Variants in PPM1H observed in about 807,000 individuals in gnomAD.
The protein encoded by PPM1H is protein phosphatase 1H.
A neutral mutation model predicts 54.9 loss-of-function variants in PPM1H; 27 were observed. That is an observed-to-expected ratio of 0.49 (90% CI 0.36 to 0.68). The LOEUF (loss-of-function observed/expected upper bound fraction) is 0.68. PPM1H is among the 30% of genes least tolerant of loss of function. The pLI is 0.00. For missense variants in PPM1H, 596 were observed against 667.8 expected (o/e 0.89, Z 1.19); for synonymous variants, 305 against 270.8 (o/e 1.13, Z -1.24).
intron 5 of PPM1H, among the ~76,000 whole-genome samples, chr12:62,732,569 T>C (rs894130443): frequency 3.3e-5 from 5 of 151,042 alleles, no homozygotes; most frequent in Non-Finnish European, 5.9e-5. Flanking sequence ...TTTTTTTTTG[T>C]TTTCGGTTTT....
chr12:62,881,867 C>T (rs1379187969), intron 1 of PPM1H, among the ~76,000 whole-genome samples: 2 of 152,182 alleles, frequency 1.3e-5, no homozygotes, highest in Non-Finnish European at 2.9e-5. Context: ...TCTGGTTTCC[C>T]TCTTCACCAA....
intron 4 of PPM1H, among the ~76,000 whole-genome samples, chr12:62,745,735 C>T (rs756843617): frequency 2.6e-5 from 4 of 152,212 alleles, no homozygotes; most frequent in Non-Finnish European, 5.9e-5. Flanking sequence ...TTCTACATCA[C>T]TTGTGCTTTA....
In PPM1H at chr12:62,675,635, G is replaced by A. The variant is rs187098496; in HGVS notation, c.1246-8306C>T. On this transcript the variant is annotated intron_variant, in intron 8 of 9. Transcript: ENST00000228705. ...GTTTACTCCAATAGTTTTGATTTGC[G>A]CCTGTTTTTCCAGCATAATTATTAA... Among the ~76,000 whole-genome samples the A allele has an allele frequency of 6.1e-3, 933 of 152,250 alleles. 7 individuals carry two copies. Among genetic ancestry groups the A allele is most frequent in the Non-Finnish European group, 9.3e-3 (635 of 68,018 alleles).
At chr12:62,795,796 G>A (rs1218771613) in intron 3 of PPM1H, among the ~76,000 whole-genome samples, 6 of 151,394 alleles carry the variant, frequency 4.0e-5, no homozygotes, top group African/African-American at 7.3e-5. Flanking sequence ...GTGTGATCTC[G>A]GCTCACTGCG....
At chr12:62,870,957 G>C (rs1869954677) in intron 1 of PPM1H, among the ~76,000 whole-genome samples, 1 of 152,212 alleles carries the variant, frequency 6.6e-6, no homozygotes, top group African/African-American at 2.4e-5. Flanking sequence ...CTTATCACTG[G>C]TGGTGGGAAG....
chr12:62,916,853 C>T (rs905315478), intron 1 of PPM1H, among the ~76,000 whole-genome samples: 1 of 151,322 alleles, frequency 6.6e-6, no homozygotes, highest in Non-Finnish European at 1.5e-5. Context: ...CCCTGATGAC[C>T]TTCAAGGAGC....
rs371938965 is a variant in PPM1H at position 62,647,502 on chromosome 12, T to G, written c.*987A>C. 2.0e-5 allele frequency: 3 copies of G among 152,108 alleles called. No homozygotes were observed. In the East Asian group the frequency reaches 5.8e-4, roughly 29 times the overall value. The allele number at this position is 152,108 out of a possible 1,614,324, so 9.4% of individuals were successfully genotyped here. A position where few individuals can be genotyped will look rare whatever the true frequency, so the allele number is the denominator to read the frequency against. On this transcript the variant is annotated 3_prime_UTR_variant, in exon 10 of 10. Transcript: ENST00000228705. ...AGATGCAAGCAACTTCTTAAACTGC[T>G]CTATTAAACACTGCTTTATATGTGT... is the stretch of plus-strand genomic sequence containing the variant.
intron 4 of PPM1H, among the ~76,000 whole-genome samples, chr12:62,742,974 C>T (rs2076390577): frequency 6.6e-6 from 1 of 152,102 alleles, no homozygotes; most frequent in Non-Finnish European, 1.5e-5. Context: ...ATTTGCGATA[C>T]AATGAACAGT....
chr12:62,902,262 G>A (rs1379796175), intron 1 of PPM1H, among the ~76,000 whole-genome samples: 1 of 151,850 alleles, frequency 6.6e-6, no homozygotes, highest in Non-Finnish European at 1.5e-5. Context: ...GCTGAGGCAG[G>A]AGAATCACTT....
At chr12:62,777,736 A>G (rs2076619690) in intron 4 of PPM1H, among the ~76,000 whole-genome samples, 1 of 152,220 alleles carries the variant, frequency 6.6e-6, no homozygotes, top group Non-Finnish European at 1.5e-5. Flanking sequence ...ATCATTTAAA[A>G]ATCTTTACAA....
intron 1 of PPM1H, among the ~76,000 whole-genome samples, chr12:62,858,430 T>G (rs577356001): frequency 6.6e-5 from 10 of 150,696 alleles, no homozygotes; most frequent in South Asian, 4.2e-4. Flanking sequence ...CAAGTGTAAC[T>G]GCAAAGAGGA....
chr12:62,918,021 C>G (rs1871677337), intron 1 of PPM1H, among the ~76,000 whole-genome samples: 2 of 152,082 alleles, frequency 1.3e-5, no homozygotes, highest in South Asian at 4.1e-4. Context: ...TACAAATATC[C>G]CACTGAAAAG....
At chr12:62,670,270 C>G (rs1188968027) in intron 8 of PPM1H, among the ~76,000 whole-genome samples, 1 of 152,098 alleles carries the variant, frequency 6.6e-6, no homozygotes, top group Non-Finnish European at 1.5e-5. Context: ...AGCCACCGCG[C>G]CTGGCCGATT....
At chr12:62,816,307 G>A (rs958096217) in intron 2 of PPM1H, among the ~76,000 whole-genome samples, 1 of 152,160 alleles carries the variant, frequency 6.6e-6, no homozygotes. Flanking sequence ...ATTACAGTTT[G>A]GGCACTCCTA....
chr12:62,871,810 C>G (rs144159990), intron 1 of PPM1H, among the ~76,000 whole-genome samples: 277 of 152,164 alleles, frequency 1.8e-3, no homozygotes, highest in African/African-American at 6.5e-3. Context: ...GCCACCATGC[C>G]TGGCCAAAAT....
intron 3 of PPM1H, among the ~76,000 whole-genome samples, chr12:62,799,718 T>C (rs185217511): frequency 6.6e-6 from 1 of 152,358 alleles, no homozygotes; most frequent in African/African-American, 2.4e-5. Flanking sequence ...AGTCTTGAGA[T>C]AGAAGTGCAT....
intron 1 of PPM1H, among the ~76,000 whole-genome samples, chr12:62,834,340 G>A (rs1868437366): frequency 6.6e-6 from 1 of 152,154 alleles, no homozygotes; most frequent in Non-Finnish European, 1.5e-5. Context: ...GTAAATATTA[G>A]GGACACAATG....
At chr12:62,723,137 C>T (rs963899913) in intron 5 of PPM1H, among the ~76,000 whole-genome samples, 1 of 152,160 alleles carries the variant, frequency 6.6e-6, no homozygotes, top group African/African-American at 2.4e-5. Context: ...TGTTTACCCT[C>T]ATGATTGGGT....
chr12:62,730,575 T>A (rs2076315598), intron 5 of PPM1H, among the ~76,000 whole-genome samples: 1 of 152,256 alleles, frequency 6.6e-6, no homozygotes, highest in African/African-American at 2.4e-5. Flanking sequence ...ATACATTAAT[T>A]AATTTTTTAA....
Sources: allele counts gnomAD v4.1 joint callset (sites outside exome capture counted in the v4.1 genomes callset), GRCh38; gene constraint gnomAD v4.1.1; transcripts MANE v1.5; gene names NCBI Gene and HGNC (gene_info 2026-07-23, HGNC 2026-07-21).